Variants in PDE11A observed in about 807,000 individuals in gnomAD.
PDE11A encodes dual 3',5'-cyclic-AMP and -GMP phosphodiesterase 11A.
A neutral mutation model predicts 100.5 loss-of-function variants in PDE11A; 100 were observed. That is an observed-to-expected ratio of 1.00 (90% confidence interval 0.85 to 1.18). PDE11A has a LOEUF of 1.18. Ranked by LOEUF, PDE11A falls within the 50% of genes most tolerant of loss-of-function variation. The pLI is 0.00. For synonymous variants in PDE11A, 381 were observed against 420.8 expected, an observed-to-expected ratio of 0.91 and a Z score of 1.16; for missense variants, 1,141 against 1,152.6, an observed-to-expected ratio of 0.99 and a Z score of 0.15.
intron 4 of PDE11A, among the ~76,000 whole-genome samples, chr2:177,887,472 G>T (rs1190130613): frequency 6.8e-6 from 1 of 146,508 alleles, no homozygotes; most frequent in African/African-American, 2.5e-5. Flanking sequence ...AAAAAAAAAA[G>T]ATTTTCCTCA....
chr2:177,981,497 TCA>T (rs1420379193), intron 2 of PDE11A, among the ~76,000 whole-genome samples: 1 of 150,566 alleles, frequency 6.6e-6, no homozygotes, highest in Admixed American at 6.6e-5. Context: ...CTGTATCTCT[TCA>T]CAGAGTCTTC....
intron 2 of PDE11A, among the ~76,000 whole-genome samples, chr2:178,097,336 T>C (rs1285846623): frequency 2.0e-5 from 3 of 152,208 alleles, no homozygotes; most frequent in Admixed American, 6.5e-5. Flanking sequence ...CAGTTCCACA[T>C]GGCTTGGAGG....
intron 9 of PDE11A, among the ~76,000 whole-genome samples, chr2:177,792,695 G>A (rs530165034): frequency 6.6e-6 from 1 of 152,086 alleles, no homozygotes; most frequent in Non-Finnish European, 1.5e-5. Flanking sequence ...AAAATGCAAA[G>A]GGCAATTTCC....
At chr2:178,001,024 GC>G (rs1357881444) in intron 2 of PDE11A, among the ~76,000 whole-genome samples, 1 of 151,320 alleles carries the variant, frequency 6.6e-6, no homozygotes, top group African/African-American at 2.4e-5. Flanking sequence ...CACAAGTCAA[GC>G]GACCCTGGAC....
intron 1 of PDE11A, among the ~76,000 whole-genome samples, chr2:178,015,189 G>A (rs563205408): frequency 5.1e-4 from 78 of 152,172 alleles, no homozygotes; most frequent in Non-Finnish European, 9.0e-4. Context: ...TCTGGTGAAC[G>A]CTACCTCAAA....
intron 1 of PDE11A, among the ~76,000 whole-genome samples, chr2:178,056,916 G>A (rs746770526): frequency 7.2e-5 from 11 of 151,974 alleles, no homozygotes; most frequent in Admixed American, 1.3e-4. Flanking sequence ...GAGGGAGAAG[G>A]GGAAAAATGG....
chr2:177,958,763 T>C (rs1393585638), intron 2 of PDE11A, among the ~76,000 whole-genome samples: 1 of 152,186 alleles, frequency 6.6e-6, no homozygotes, highest in Non-Finnish European at 1.5e-5. Flanking sequence ...TGCCTCTCCA[T>C]ATAATTCCAG....
intron 19 of PDE11A, among the ~76,000 whole-genome samples, chr2:177,632,369 G>A (rs2105434440): frequency 6.6e-6 from 1 of 152,132 alleles, no homozygotes; most frequent in Non-Finnish European, 1.5e-5. Flanking sequence ...TCAATTTGGG[G>A]TAAGGGTTGA....
chr2:177,629,594 G>C, intron 19 of PDE11A, 32 bp from the exon 20 acceptor site: 1 of 1,611,148 alleles, frequency 6.2e-7, no homozygotes, highest in Non-Finnish European at 8.5e-7. Context: ...CACAGGTGGA[G>C]GAGAGAGGAA....
At chr2:177,660,113 T>TC (rs2080461857) in intron 19 of PDE11A, among the ~76,000 whole-genome samples, 3 of 89,328 alleles carry the variant, frequency 3.4e-5, no homozygotes, top group African/African-American at 1.2e-4. Flanking sequence ...CTCTCTCTCT[T>TC]TCTTTCTTTC....
At chr2:177,788,132 T>C (rs982955842) in intron 9 of PDE11A, among the ~76,000 whole-genome samples, 4 of 151,986 alleles carry the variant, frequency 2.6e-5, no homozygotes, top group African/African-American at 4.8e-5. Context: ...GACCACATAG[T>C]TGGAAGTAAA....
At chr2:177,730,403 G>A (rs1051667428) in intron 10 of PDE11A, among the ~76,000 whole-genome samples, 3 of 152,068 alleles carry the variant, frequency 2.0e-5, no homozygotes, top group Non-Finnish European at 4.4e-5. Context: ...TAAGCTCTTT[G>A]AAGATCTCTT....
chr2:177,840,195 T>C, intron 6 of PDE11A, 56 bp downstream of exon 6: 1 of 1,580,794 alleles, frequency 6.3e-7, no homozygotes, highest in Non-Finnish European at 8.7e-7. Flanking sequence ...GTTTCAACTG[T>C]TTTCAACAGT....
chr2:177,769,383 A>G lies in PDE11A; in HGVS notation c.1738-10T>C, dbSNP rs771860947. The G allele has an allele frequency of 1.3e-6, 2 of 1,532,448 alleles. No homozygotes were observed. Among genetic ancestry groups the G allele is most frequent in the Admixed American group, 1.7e-5 (1 of 59,884 alleles). 94.9% of individuals were successfully genotyped at this position (1,532,448 alleles called of 1,614,324 possible). ...CATGGTATGATAGCACCTGATTCAG[A>G]AGAAAAAAAAATAATTTTAATAACT... On this transcript the variant is annotated splice_polypyrimidine_tract_variant and intron_variant, in intron 9 of 19. Coordinates refer to ENST00000286063, the MANE Select transcript of PDE11A (RefSeq NM_016953.4).
intron 5 of PDE11A, among the ~76,000 whole-genome samples, chr2:177,864,140 T>C (rs972667174): frequency 1.3e-5 from 2 of 152,058 alleles, no homozygotes; most frequent in African/African-American, 4.8e-5. Context: ...ATATGTGGAA[T>C]CTGAAAAAAA....
chr2:177,808,983 G>A (rs1274589988), intron 9 of PDE11A, among the ~76,000 whole-genome samples: 4 of 152,184 alleles, frequency 2.6e-5, no homozygotes, highest in African/African-American at 9.6e-5. Context: ...GAACCTGGAA[G>A]ACATGCCAAG....
At chr2:177,811,816 C>T (rs1276013581) in intron 9 of PDE11A, among the ~76,000 whole-genome samples, 1 of 152,134 alleles carries the variant, frequency 6.6e-6, no homozygotes, top group Non-Finnish European at 1.5e-5. Context: ...ATTGAGCAAA[C>T]ACTGGTGCCC....
At chr2:178,059,418 C>A (rs2086939709) in intron 1 of PDE11A, among the ~76,000 whole-genome samples, 1 of 152,326 alleles carries the variant, frequency 6.6e-6, no homozygotes, top group Non-Finnish European at 1.5e-5. Context: ...GCAAGCTTGT[C>A]AGGCACAGAG....
chr2:178,094,396 G>T (rs1299257639), intron 2 of PDE11A, among the ~76,000 whole-genome samples: 1 of 152,078 alleles, frequency 6.6e-6, no homozygotes, highest in African/African-American at 2.4e-5. Context: ...GCCGGGCATG[G>T]TGGTGCACTT....
Sources: allele counts gnomAD v4.1 joint callset (sites outside exome capture counted in the v4.1 genomes callset), GRCh38; gene constraint gnomAD v4.1.1; transcripts MANE v1.5; gene names NCBI Gene and HGNC (gene_info 2026-07-23, HGNC 2026-07-21).